ADORA2B: variants seen among roughly 807,000 people sequenced by gnomAD.
ADORA2B encodes adenosine A2b receptor.
A neutral mutation model predicts 20.8 loss-of-function variants in ADORA2B; 18 were observed. That is an observed-to-expected ratio of 0.87 (90% CI 0.60 to 1.29). The LOEUF is 1.29. Among genes scored for constraint, ADORA2B ranks in the 50% most tolerant of loss-of-function variants. The pLI, the probability that ADORA2B is intolerant of heterozygous loss-of-function variation, is 0.00. For missense variants in ADORA2B, 441 were observed against 422.7 expected (o/e 1.04, Z -0.38); for synonymous variants, 179 against 178.3 (o/e 1.00, Z -0.03).
chr17:15,864,629 G>T, the ADORA2B span, among the ~76,000 whole-genome samples: 4 of 152,236 alleles, frequency 2.6e-5, no homozygotes, highest in Non-Finnish European at 4.4e-5. Context: ...GGTAGAGAAC[G>T]TGAGGGGGAG....
intron 1 of ADORA2B, among the ~76,000 whole-genome samples, chr17:15,958,990 A>G (rs571742693): frequency 6.6e-6 from 1 of 152,274 alleles, no homozygotes; most frequent in African/African-American, 2.4e-5. Flanking sequence ...CAAATGTATG[A>G]ACATGTGTCT....
intron 1 of ADORA2B, among the ~76,000 whole-genome samples, chr17:15,961,846 T>TC (rs1970045845): frequency 6.6e-6 from 1 of 152,088 alleles, no homozygotes; most frequent in Non-Finnish European, 1.5e-5. Context: ...AAAAACCCAC[T>TC]CCCATGATAG....
At chr17:15,918,870 C>T in the ADORA2B span, among the ~76,000 whole-genome samples, 8 of 152,260 alleles carry the variant, frequency 5.3e-5, no homozygotes, top group East Asian at 5.8e-4. Context: ...TGCTGGCAGC[C>T]GTGTAAGAGC....
chr17:15,974,592 G>A, intron 1 of ADORA2B, 87 bp from the exon 2 acceptor site: 2 of 1,223,652 alleles, frequency 1.6e-6, no homozygotes, highest in Non-Finnish European at 2.3e-6. Flanking sequence ...TTGTTAAAGG[G>A]TCATGGAAAA....
chr17:15,891,583 C>T, the ADORA2B span, among the ~76,000 whole-genome samples: 1 of 152,170 alleles, frequency 6.6e-6, no homozygotes, highest in Non-Finnish European at 1.5e-5. Context: ...ATAATAAAGA[C>T]CTATTGGGAA....
chr17:15,866,706 G>GCTGCCT, the ADORA2B span, among the ~76,000 whole-genome samples: 413 of 147,002 alleles, frequency 2.8e-3, no homozygotes, highest in African/African-American at 9.3e-3. Flanking sequence ...TGCCTCTGCC[G>GCTGCCT]CTGCCGCTGC....
chr17:15,969,273 A>G (rs1428745316), intron 1 of ADORA2B, among the ~76,000 whole-genome samples: 1 of 152,014 alleles, frequency 6.6e-6, no homozygotes, highest in East Asian at 1.9e-4. Flanking sequence ...ACACAGTGAA[A>G]ACCCATCTCT....
At chr17:15,867,382 C>T in the ADORA2B span, among the ~76,000 whole-genome samples, 2 of 151,840 alleles carry the variant, frequency 1.3e-5, no homozygotes, top group African/African-American at 2.4e-5. Context: ...ATGTGGGGAG[C>T]TCCTCTGCTC....
the ADORA2B span, among the ~76,000 whole-genome samples, chr17:15,863,624 G>C: frequency 2.0e-5 from 3 of 152,142 alleles, no homozygotes; most frequent in African/African-American, 7.2e-5. Context: ...AAAGTGCTGG[G>C]ATTACAGGCG....
the ADORA2B span, among the ~76,000 whole-genome samples, chr17:15,852,882 G>C: frequency 6.6e-6 from 1 of 152,088 alleles, no homozygotes; most frequent in East Asian, 1.9e-4. Context: ...GGGGTGAAAA[G>C]ATCTAATGTG....
At chr17:15,861,034 GA>G in the ADORA2B span, 1 of 152,212 alleles carries the variant, frequency 6.6e-6, no homozygotes, top group African/African-American at 2.4e-5. Context: ...TAAGAAATCA[GA>G]AAAACATAGG....
chr17:15,926,158 C>A, the ADORA2B span, among the ~76,000 whole-genome samples: 1 of 152,142 alleles, frequency 6.6e-6, no homozygotes, highest in Non-Finnish European at 1.5e-5. Context: ...CATTTCTGAG[C>A]AGCCCCAAGA....
upstream of ADORA2B, among the ~76,000 whole-genome samples, chr17:15,941,130 A>C (rs928107767): frequency 6.6e-6 from 1 of 152,166 alleles, no homozygotes; most frequent in Non-Finnish European, 1.5e-5. Flanking sequence ...ATACCCTTCC[A>C]CTTTCACCAG....
the ADORA2B span, among the ~76,000 whole-genome samples, chr17:15,917,421 G>T: frequency 2.6e-5 from 4 of 152,212 alleles, no homozygotes; most frequent in African/African-American, 9.6e-5. Flanking sequence ...CCCACAAGGC[G>T]CCAGGCTGAG....
the ADORA2B span, among the ~76,000 whole-genome samples, chr17:15,918,546 A>G: frequency 6.6e-6 from 1 of 152,176 alleles, no homozygotes; most frequent in African/African-American, 2.4e-5. Flanking sequence ...AGGTCGGCTC[A>G]CTGCAACCTC....
chr17:15,919,376 G>C, the ADORA2B span, among the ~76,000 whole-genome samples: 1 of 152,042 alleles, frequency 6.6e-6, no homozygotes, highest in Non-Finnish European at 1.5e-5. Context: ...CACCTTTCAG[G>C]ACTACCTAAA....
chr17:15,859,608 A>G, the ADORA2B span, among the ~76,000 whole-genome samples: 4 of 152,122 alleles, frequency 2.6e-5, no homozygotes, highest in South Asian at 2.1e-4. Context: ...AAACTAGACA[A>G]TCTTGAAAGG....
chr17:15,869,189 G>A, the ADORA2B span, among the ~76,000 whole-genome samples: 1 of 151,288 alleles, frequency 6.6e-6, no homozygotes, highest in Non-Finnish European at 1.5e-5. Context: ...GCGTGGTGAC[G>A]CACAACTGTA....
the ADORA2B span, among the ~76,000 whole-genome samples, chr17:15,874,475 G>T: frequency 6.6e-6 from 1 of 151,702 alleles, no homozygotes; most frequent in East Asian, 1.9e-4. Context: ...ATTATTTAAG[G>T]CCAGGAGTTT....
Sources: allele counts gnomAD v4.1 joint callset (sites outside exome capture counted in the v4.1 genomes callset), GRCh38; gene constraint gnomAD v4.1.1; transcripts MANE v1.5; gene names NCBI Gene and HGNC (gene_info 2026-07-23, HGNC 2026-07-21).